The following RMDN1 variants were observed in gnomAD, a reference collection of about 807,000 sequenced individuals.
RMDN1 encodes the protein regulator of microtubule dynamics protein 1.
Under a neutral mutation model 48.9 loss-of-function variants are expected in RMDN1, and 48 were observed. That is an observed-to-expected ratio of 0.98 (90% CI 0.78 to 1.25). The LOEUF is 1.25. Ranked by LOEUF, RMDN1 falls within the 50% of genes most tolerant of loss-of-function variation. The pLI is 0.00. For missense variants in RMDN1, 418 were observed against 373.4 expected, an observed-to-expected ratio of 1.12 and a Z score of -0.98; for synonymous variants, 148 against 132.6, an observed-to-expected ratio of 1.12 and a Z score of -0.80.
intron 2 of RMDN1, among the ~76,000 whole-genome samples, chr8:86,491,483 G>T (rs550321622): frequency 3.9e-5 from 6 of 152,104 alleles, no homozygotes; most frequent in Non-Finnish European, 7.4e-5. Context: ...AGGCACTCGG[G>T]TGAGAGCTTG....
chr8:86,481,530 C>A (rs1232270196), intron 5 of RMDN1, among the ~76,000 whole-genome samples: 4 of 148,718 alleles, frequency 2.7e-5, no homozygotes, highest in Non-Finnish European at 5.9e-5. Context: ...ACAATGGATG[C>A]CTGGGGGGAT....
chr8:86,506,959 A>T (rs750079531), intron 2 of RMDN1, 36 bp downstream of exon 2: 2 of 1,131,850 alleles, frequency 1.8e-6, no homozygotes, highest in African/African-American at 3.1e-5. Flanking sequence ...CACACAAAAA[A>T]ACTCTAAATG....
At chr8:86,504,944 G>C (rs1819059358) in intron 2 of RMDN1, 4 of 1,289,202 alleles carry the variant, frequency 3.1e-6, no homozygotes, top group Non-Finnish European at 4.5e-6. Context: ...CCCATGGCAG[G>C]GCTTTTGAGG....
downstream of RMDN1, among the ~76,000 whole-genome samples, chr8:86,472,121 A>AT (rs1438792946): frequency 1.3e-5 from 2 of 152,192 alleles, no homozygotes; most frequent in African/African-American, 2.4e-5. Flanking sequence ...ATGCTGACAC[A>AT]TTTGGGGTGA....
At chr8:86,478,026 T>A (rs1171001138) in intron 7 of RMDN1, 4 of 152,184 alleles carry the variant, frequency 2.6e-5, no homozygotes, top group Non-Finnish European at 5.9e-5. Flanking sequence ...TGACTGGGAC[T>A]ACAGGCACAG....
chr8:86,500,804 A>G (rs1432516604), intron 2 of RMDN1, among the ~76,000 whole-genome samples: 2 of 152,230 alleles, frequency 1.3e-5, no homozygotes, highest in South Asian at 2.1e-4. Context: ...GATGCCCATC[A>G]ATGGTGAACT....
downstream of RMDN1, chr8:86,472,256 C>G: frequency 1.7e-6 from 1 of 596,060 alleles, no homozygotes; most frequent in Non-Finnish European, 3.0e-6. Context: ...ACCTGAAATT[C>G]GTGCTCCATA....
chr8:86,480,491 A>G (rs112819265), intron 5 of RMDN1, among the ~76,000 whole-genome samples, 159 bp from the exon 6 acceptor site: 3,138 of 152,190 alleles, frequency 0.021, 52 homozygotes, highest in Middle Eastern at 0.065. Flanking sequence ...TTCTTTGATT[A>G]AATTCATTTC....
chr8:86,468,364 C>T, downstream of RMDN1: 1 of 453,460 alleles, frequency 2.2e-6, no homozygotes, highest in Non-Finnish European at 4.4e-6. Context: ...CAGAGATCTG[C>T]TTGGTTGAAT....
chr8:86,508,441 G>C (rs762550274), intron 1 of RMDN1, 51 bp downstream of exon 1: 9 of 1,510,814 alleles, frequency 6.0e-6, no homozygotes, highest in South Asian at 4.9e-5. Flanking sequence ...AGGGGGAGCC[G>C]GAACCCACTG....
chr8:86,475,946 C>G (rs1813298418), intron 8 of RMDN1, among the ~76,000 whole-genome samples: 1 of 152,098 alleles, frequency 6.6e-6, no homozygotes, highest in African/African-American at 2.4e-5. Context: ...CCAGAAAAGA[C>G]AAAGTCCACA....
chr8:86,505,759 G>A (rs7460251), intron 2 of RMDN1, among the ~76,000 whole-genome samples: 46,461 of 152,064 alleles, frequency 0.31, 8,816 homozygotes, highest in Middle Eastern at 0.45. Flanking sequence ...GGAGGTTAGC[G>A]TGCAATATGA....
intron 4 of RMDN1, among the ~76,000 whole-genome samples, chr8:86,485,168 C>T (rs1347564529): frequency 6.6e-6 from 1 of 152,162 alleles, no homozygotes. Context: ...CAGTGGCTCA[C>T]GCCTGTAACA....
downstream of RMDN1, chr8:86,470,272 G>C (rs776404637): frequency 2.6e-5 from 33 of 1,289,196 alleles, no homozygotes; most frequent in Non-Finnish European, 3.3e-5. Context: ...GTCAGCTCTG[G>C]AATCCACACA....
intron 2 of RMDN1, among the ~76,000 whole-genome samples, chr8:86,499,191 A>C (rs1478096608): frequency 1.3e-5 from 2 of 152,198 alleles, no homozygotes; most frequent in Non-Finnish European, 2.9e-5. Context: ...CTCCTTTTAA[A>C]TATAGTACTG....
intron 2 of RMDN1, chr8:86,504,624 G>A (rs1818980832): frequency 1.1e-6 from 1 of 907,310 alleles, no homozygotes; most frequent in African/African-American, 1.6e-5. Context: ...TTTGTTCCAT[G>A]CTCATGACTG....
intron 8 of RMDN1, 69 bp from the exon 9 acceptor site, chr8:86,475,022 T>C: frequency 7.2e-7 from 1 of 1,380,386 alleles, no homozygotes; most frequent in Non-Finnish European, 9.8e-7. Flanking sequence ...GGTTTGTTTC[T>C]GAGGTCTAAA....
At chr8:86,487,918 A>C (rs1285601335) in intron 3 of RMDN1, among the ~76,000 whole-genome samples, 2 of 152,290 alleles carry the variant, frequency 1.3e-5, no homozygotes. Context: ...GCAGATGAAA[A>C]TGACTCAATA....
downstream of RMDN1, chr8:86,468,679 C>T (rs1586546075): frequency 6.6e-6 from 3 of 455,922 alleles, no homozygotes; most frequent in African/African-American, 2.0e-5. Flanking sequence ...TAAGAAATTA[C>T]GATGCACTAG....
Sources: allele counts gnomAD v4.1 joint callset (sites outside exome capture counted in the v4.1 genomes callset), GRCh38; gene constraint gnomAD v4.1.1; transcripts MANE v1.5; gene names NCBI Gene and HGNC (gene_info 2026-07-23, HGNC 2026-07-21).